THAP5: variants seen among roughly 807,000 people sequenced by gnomAD.
THAP5 encodes the protein THAP domain containing 5.
A neutral mutation model predicts 34.0 loss-of-function variants in THAP5; 26 were observed. That is an observed-to-expected ratio of 0.77 (90% CI 0.56 to 1.06). The LOEUF is 1.06. Among genes scored for constraint, THAP5 ranks in the 50% least tolerant of loss-of-function variants. THAP5 has a pLI of 0.00. For synonymous variants in THAP5, 125 were observed against 153.0 expected, an observed-to-expected ratio of 0.82 and a Z score of 1.35; for missense variants, 394 against 452.8, an observed-to-expected ratio of 0.87 and a Z score of 1.18.
rs545255705 is a variant in THAP5, at chr7:108,563,981, T to C, written c.*210A>G. ...TGCTAAATTTTAATTTGGAAAATTA[T>C]CAAGTAATAAAACTGCTTTTCTCTC... On this transcript the variant is annotated 3_prime_UTR_variant, in exon 3 of 3. Coordinates refer to ENST00000415914, the MANE Select transcript of THAP5 (RefSeq NM_001130475.3). The C allele has an allele frequency of 1.1e-4, 46 of 420,938 alleles. No homozygotes were observed. The highest frequency in any genetic ancestry group is 8.1e-4 in the African/African-American group (40 of 49,306). 26.1% of individuals were successfully genotyped at this position (420,938 alleles called of 1,614,324 possible).
chr7:108,541,820 T>C, the THAP5 span, among the ~76,000 whole-genome samples: 1 of 152,228 alleles, frequency 6.6e-6, no homozygotes, highest in Non-Finnish European at 1.5e-5. Flanking sequence ...AAATCCCCTG[T>C]TGCAGGTTCA....
the THAP5 span, among the ~76,000 whole-genome samples, chr7:108,543,111 T>C: frequency 2.0e-5 from 3 of 151,644 alleles, no homozygotes; most frequent in Admixed American, 1.3e-4. Context: ...GTATTTTTAG[T>C]AGAGACTGAG....
downstream of THAP5, among the ~76,000 whole-genome samples, chr7:108,552,751 G>A (rs1252052491): frequency 1.3e-5 from 2 of 152,152 alleles, no homozygotes; most frequent in African/African-American, 2.4e-5. Flanking sequence ...AGTGAGCCGA[G>A]GTCACGCTAT....
the THAP5 span, among the ~76,000 whole-genome samples, chr7:108,543,016 T>C: frequency 6.6e-6 from 1 of 152,020 alleles, no homozygotes; most frequent in Non-Finnish European, 1.5e-5. Flanking sequence ...AACCTCCGTC[T>C]CCCAGGTTCA....
chr7:108,549,680 C>T (rs371470902), downstream of THAP5, among the ~76,000 whole-genome samples: 25 of 152,322 alleles, frequency 1.6e-4, no homozygotes, highest in Middle Eastern at 6.8e-3. Context: ...CTTCCATGCA[C>T]ATTTCATGTC....
At chr7:108,553,946 T>C (rs1347745817), downstream of THAP5, among the ~76,000 whole-genome samples, 5 of 152,156 alleles carry the variant, frequency 3.3e-5, no homozygotes, top group Non-Finnish European at 7.3e-5. Context: ...TATACTATAT[T>C]TTGAATGTGT....
chr7:108,563,959 TA>T lies in THAP5; in HGVS notation c.*231del, dbSNP rs563173093. 2.9e-4 allele frequency: 107 copies of T among 373,120 alleles called. No homozygotes were observed. Among genetic ancestry groups the T allele is most frequent in the African/African-American group, 2.0e-3 (97 of 48,360 alleles). 23.1% of individuals were successfully genotyped at this position (373,120 alleles called of 1,614,324 possible). ...GTTATAACTGAATCCTTCTATGTGCTAAATTTTAATTTGGAAAATTATCAAG... is the reference window on the plus strand; with the variant it reads ...GTTATAACTGAATCCTTCTATGTGCTAATTTTAATTTGGAAAATTATCAAG... On this transcript the variant is annotated 3_prime_UTR_variant, in exon 3 of 3. Transcript: ENST00000415914.
In THAP5 at chr7:108,569,490, G is replaced by A; in HGVS notation, c.80C>T (p.Pro27Leu). The change falls in exon 1 of 3, where the codon CCA (proline) becomes CTA (leucine). Residue 27 changes from proline (P) to leucine (L), a missense_variant and splice_region_variant. Physicochemically the swap from Pro to Leu is moderately conservative, Grantham distance 98 (BLOSUM62 -3). Transcript: ENST00000415914. Reference sequence around the variant, plus strand: ...CGCTTCTGCTCCAGAAACAACTTACGGATAAAAACTCAGCTTCCGGTCTTT... The same window carrying A: ...CGCTTCTGCTCCAGAAACAACTTACAGATAAAAACTCAGCTTCCGGTCTTT... ...NNKDRKLSFY[P>L]FPLHDKERLE... 1.3e-6 allele frequency: 2 copies of A among 1,551,724 alleles called. No individual in the cohort carries two copies. The highest frequency in any genetic ancestry group is 1.7e-6 in the Non-Finnish European group (2 of 1,147,006).
chr7:108,567,402 T>TCATGTATATGGATGAAAATTCATCCA (rs1337528027), intron 1 of THAP5, among the ~76,000 whole-genome samples: 7 of 152,206 alleles, frequency 4.6e-5, no homozygotes. Context: ...ATAATGCTTT[T>TCATGTATATGGATGAAAATTCATCCA]TACTGTAAAT....
At position 108,564,568 on chromosome 7, in the gene THAP5, C is replaced by A; in HGVS notation, c.811G>T (p.Val271Phe). The A allele has an allele frequency of 6.2e-7, 1 of 1,613,792 alleles. No homozygotes were observed. Among genetic ancestry groups the A allele is most frequent in the Non-Finnish European group, 8.5e-7 (1 of 1,179,874 alleles). ...TCAGCAGGTACAAAAATGGCAATAA[C>A]AGATTCTTTATTTGTGTTTAATTCT... ...VEELNTNKES[V>F]IAIFVPAENS... The change falls in exon 3 of 3, where the codon GTT becomes TTT. Residue 271 changes from valine to phenylalanine, a missense_variant. Transcript: ENST00000415914.
chr7:108,569,225 C>A, intron 1 of THAP5: 3 of 1,363,148 alleles, frequency 2.2e-6, no homozygotes, highest in Non-Finnish European at 2.8e-6. Flanking sequence ...CTGAAAACCA[C>A]AGAAGCCCGC....
chr7:108,565,361 G>A lies in THAP5; in HGVS notation c.274-256C>T, dbSNP rs749759893. The A allele has an allele frequency of 1.3e-4, 34 of 266,694 alleles. 1 individual carries two copies. The highest frequency in any genetic ancestry group is 2.4e-4 in the Admixed American group (5 of 20,780). The allele number at this position is 266,694 out of a possible 1,614,324, so 16.5% of individuals were successfully genotyped here. ...GCAGGCAGATCAACTGAGGTCAGGA[G>A]TTCAAGACCAGCCTGGCTAACATGG... On this transcript the variant is annotated intron_variant, in intron 2 of 2. Transcript: ENST00000415914.
intron 1 of THAP5, among the ~76,000 whole-genome samples, chr7:108,556,766 C>T (rs1231094214): frequency 6.6e-6 from 1 of 152,212 alleles, no homozygotes; most frequent in Non-Finnish European, 1.5e-5. Context: ...GACAGTGGCC[C>T]TCTTCCCACA....
the THAP5 span, among the ~76,000 whole-genome samples, chr7:108,541,956 T>C: frequency 6.6e-6 from 1 of 152,230 alleles, no homozygotes; most frequent in Non-Finnish European, 1.5e-5. Context: ...TGAAGATGTT[T>C]TTCTTTTCTC....
downstream of THAP5, among the ~76,000 whole-genome samples, chr7:108,559,857 C>T (rs1218180401): frequency 6.6e-6 from 1 of 152,036 alleles, no homozygotes; most frequent in East Asian, 1.9e-4. Context: ...AAAACTGCCC[C>T]CATGATCCAA....
At chr7:108,546,429 ACTGGTT>A in the THAP5 span, among the ~76,000 whole-genome samples, 3 of 152,298 alleles carry the variant, frequency 2.0e-5, no homozygotes, top group Non-Finnish European at 4.4e-5. Flanking sequence ...TGATATTTGA[ACTGGTT>A]CTTCAGTGAT....
intron 1 of THAP5, among the ~76,000 whole-genome samples, chr7:108,567,165 G>GA (rs1361690874): frequency 6.6e-6 from 1 of 151,838 alleles, no homozygotes; most frequent in Non-Finnish European, 1.5e-5. Context: ...TCCTCATACG[G>GA]AAAAAAATCA....
chr7:108,569,537 C>T lies in THAP5; in HGVS notation c.33G>A (p.Lys11=), dbSNP rs1408153388. 1 of 1,551,796 alleles carries T rather than the reference C, an allele frequency of 6.4e-7. No individual in the cohort carries two copies. The change falls in exon 1 of 3, where the codon AAG becomes AAA. Residue 11 remains lysine (K), a synonymous_variant. Transcript: ENST00000415914. ...CTTTATTGTTTCGTCCCCGGCGGTT[C>T]TTACAACAAATCGCTGCGCAATAGC... MPRYCAAICC[K]NRRGRNNKDR...
upstream of THAP5, chr7:108,569,722 C>T (rs1358158817): frequency 2.0e-6 from 2 of 1,002,828 alleles, no homozygotes; most frequent in Non-Finnish European, 1.5e-6. Context: ...CTCACTTCCG[C>T]CTCCTCCGGT....
Sources: gnomAD v4.1 joint callset for allele counts (sites outside exome capture counted in the v4.1 genomes callset) on GRCh38, gnomAD v4.1.1 for gene constraint, MANE v1.5 for transcripts, NCBI Gene and HGNC (gene_info 2026-07-23, HGNC 2026-07-21) for gene names.